The following TXNL4A variants were observed in gnomAD, a reference collection of about 807,000 sequenced individuals.
TXNL4A encodes the protein thioredoxin like 4A.
TXNL4A carries 17 observed loss-of-function variants against 14.6 expected under a neutral mutation model. That is an observed-to-expected ratio of 1.16 (90% CI 0.80 to 1.74). TXNL4A has a LOEUF of 1.74. Among genes scored for constraint, TXNL4A ranks in the 40% most tolerant of loss-of-function variants. The probability of loss-of-function intolerance (pLI) is 0.00; values close to 1 mark genes in which losing one functional copy is unlikely to be tolerated. For synonymous variants in TXNL4A, 83 were observed against 70.6 expected, an observed-to-expected ratio of 1.18 and a Z score of -0.88; for missense variants, 74 against 195.2, an observed-to-expected ratio of 0.38 and a Z score of 3.70.
intron 1 of TXNL4A, among the ~76,000 whole-genome samples, chr18:80,020,442 T>C (rs966941417): frequency 1.3e-5 from 2 of 152,202 alleles, no homozygotes; most frequent in Non-Finnish European, 2.9e-5. Context: ...TTATTCCTCA[T>C]GGCTAACTCA....
chr18:80,033,104 T>C (rs1238076891), intron 1 of TXNL4A, among the ~76,000 whole-genome samples: 1 of 152,184 alleles, frequency 6.6e-6, no homozygotes, highest in Non-Finnish European at 1.5e-5. Flanking sequence ...TCCTTAACTT[T>C]GGCAAATAAA....
upstream of TXNL4A, among the ~76,000 whole-genome samples, chr18:79,989,379 A>G (rs2051607909): frequency 6.6e-6 from 1 of 151,872 alleles, no homozygotes; most frequent in Admixed American, 6.6e-5. Context: ...CAAAGCGCTG[A>G]AATTACAGGA....
In TXNL4A at chr18:80,013,143, C is replaced by T. The variant is rs554368619; in HGVS notation, c.-61+20708G>A. On this transcript the variant is annotated intron_variant, in intron 1 of 2. Coordinates refer to the TXNL4A transcript ENST00000585474. ...AAAAATTTTTTTTTTTTTTTTGAGACGGAGTCTGGCTCTGTCCCCCAGGCT... is the reference window on the plus strand; with the variant it reads ...AAAAATTTTTTTTTTTTTTTTGAGATGGAGTCTGGCTCTGTCCCCCAGGCT... Among the ~76,000 whole-genome samples, 274 of 137,152 alleles carry T rather than the reference C, an allele frequency of 2.0e-3. 2 individuals carry two copies. Among genetic ancestry groups the T allele is most frequent in the African/African-American group, 5.8e-3 (211 of 36,470 alleles). 90.0% of individuals were successfully genotyped at this position (137,152 alleles called of 152,430 possible). A position where few individuals can be genotyped will look rare whatever the true frequency, so the allele number is the denominator to read the frequency against.
rs573032947 is a variant in TXNL4A, at chr18:80,011,650, G to T, written c.-61+22201C>A. ...GTCTTTATGCCCCGAGAGCACAACC[G>T]CTCGGCGGCATTCCACAGGTGGCTC... On this transcript the variant is annotated intron_variant, in intron 1 of 2. Coordinates refer to the TXNL4A transcript ENST00000585474. This position sits in a 1 kb window ranked among gnomAD's most constrained non-coding sequence, Gnocchi z 4.1. Among the ~76,000 whole-genome samples, 11 of 152,204 alleles carry T rather than the reference G, an allele frequency of 7.2e-5. 1 individual carries two copies. In the South Asian group the frequency reaches 2.3e-3, roughly 32 times the overall value.
chr18:79,979,884 C>T (rs2051437264), intron 1 of TXNL4A, among the ~76,000 whole-genome samples: 1 of 152,210 alleles, frequency 6.6e-6, no homozygotes, highest in Non-Finnish European at 1.5e-5. Flanking sequence ...AATACTAACT[C>T]AATGCCCTTT....
chr18:80,024,032 C>G (rs534485956), intron 1 of TXNL4A, among the ~76,000 whole-genome samples: 15 of 152,326 alleles, frequency 9.8e-5, no homozygotes, highest in Non-Finnish European at 1.9e-4. Context: ...GTAGCCTGGC[C>G]TGGGGCAGTT....
intron 1 of TXNL4A, among the ~76,000 whole-genome samples, chr18:80,023,086 T>C (rs549300477): frequency 6.6e-6 from 1 of 152,358 alleles, no homozygotes; most frequent in African/African-American, 2.4e-5. Flanking sequence ...TCCCACAGAA[T>C]GGGACTGATT....
In TXNL4A at chr18:79,988,224, G is replaced by C. The variant is rs1187375177; in HGVS notation, c.153+16C>G. On this transcript the variant is annotated intron_variant, in intron 1 of 2. Coordinates refer to ENST00000269601, the MANE Select transcript of TXNL4A (RefSeq NM_006701.5). ...CGGAAGCACAGCCCGCAGAGCGGGA[G>C]AGTCCGGCGCGCTACCTTCTCGGCG... 6.6e-7 allele frequency: 1 copy of C among 1,508,234 alleles called. No individual in the cohort carries two copies. Among genetic ancestry groups the C allele is most frequent in the Non-Finnish European group, 9.0e-7 (1 of 1,108,046 alleles). The allele number at this position is 1,508,234 out of a possible 1,614,324, so 93.4% of individuals were successfully genotyped here.
chr18:79,978,073 G>A (rs967871746), intron 1 of TXNL4A, among the ~76,000 whole-genome samples: 7 of 152,160 alleles, frequency 4.6e-5, no homozygotes, highest in Non-Finnish European at 8.8e-5. Context: ...GGCTCCTTCC[G>A]CCTCACGCCA....
chr18:80,033,701 C>T (rs1599761929), intron 1 of TXNL4A: 2 of 153,402 alleles, frequency 1.3e-5, no homozygotes, highest in East Asian at 3.8e-4. Context: ...TACGCAGCGC[C>T]AGGCAACCAG....
rs553096292 is a variant in TXNL4A, at chr18:80,033,217, GCA to G, written c.-61+632_-61+633del. ...CACACATATATACGCGCACGCACAT[GCA>G]CACATATACATGTCCACACACATGC... On this transcript the variant is annotated intron_variant, in intron 1 of 2. Coordinates refer to the TXNL4A transcript ENST00000585474. 4.5e-3 allele frequency among the ~76,000 whole-genome samples: 680 copies of G among 152,072 alleles called. 5 individuals carry two copies. Among genetic ancestry groups the G allele is most frequent in the African/African-American group, 0.016 (649 of 41,486 alleles).
At chr18:80,025,874 C>T (rs1000345378) in intron 1 of TXNL4A, among the ~76,000 whole-genome samples, 3 of 152,198 alleles carry the variant, frequency 2.0e-5, no homozygotes, top group Non-Finnish European at 2.9e-5. Flanking sequence ...CCCCCAAATC[C>T]AGAAGACAGG....
At position 80,013,111 on chromosome 18, in the gene TXNL4A, GAA is replaced by G. The variant is rs201882672; in HGVS notation, c.-61+20738_-61+20739del. On this transcript the variant is annotated intron_variant, in intron 1 of 2. Transcript: ENST00000585474. ...GAGAGAACAAAAAAAATTAAAAAAGGAAAAAAAAAAATTTTTTTTTTTTTTTT... is the reference window on the plus strand; with the variant it reads ...GAGAGAACAAAAAAAATTAAAAAAGGAAAAAAAAATTTTTTTTTTTTTTTT... Among the ~76,000 whole-genome samples, 1,154 of 140,834 alleles carry G rather than the reference GAA, an allele frequency of 8.2e-3. 3 individuals are homozygous for G. The highest frequency in any genetic ancestry group is 0.012 in the Non-Finnish European group (807 of 65,294). 92.4% of individuals were successfully genotyped at this position (140,834 alleles called of 152,430 possible).
intron 2 of TXNL4A, chr18:79,977,235 G>A (rs889662661): frequency 3.3e-6 from 1 of 302,370 alleles, no homozygotes; most frequent in Non-Finnish European, 6.2e-6. Context: ...GGGATTACAG[G>A]CGCTTTGAGC....
At chr18:80,019,134 C>T (rs1043566217) in intron 1 of TXNL4A, among the ~76,000 whole-genome samples, 3 of 152,168 alleles carry the variant, frequency 2.0e-5, no homozygotes, top group Non-Finnish European at 2.9e-5. Context: ...TCTGCATTTT[C>T]GGATATCTTC....
intron 1 of TXNL4A, among the ~76,000 whole-genome samples, chr18:80,012,883 G>A (rs1033522970): frequency 1.9e-4 from 29 of 151,526 alleles, no homozygotes; most frequent in Non-Finnish European, 2.9e-4. Flanking sequence ...CTTCCTCCTG[G>A]GAAACGGGGT....
rs190629781 is a variant in TXNL4A, at chr18:79,977,474, C to T, written c.257+124G>A. The T allele has an allele frequency of 5.4e-4, 407 of 760,040 alleles. 2 individuals carry two copies. The African/African-American group carries it at 5.7e-3, about 11-fold the overall frequency. 47.1% of individuals were successfully genotyped at this position (760,040 alleles called of 1,614,324 possible). On this transcript the variant is annotated intron_variant, in intron 2 of 2. Coordinates refer to ENST00000269601, the MANE Select transcript of TXNL4A (RefSeq NM_006701.5). ...CACACTGATTGCCTGGTGATACAAA[C>T]GATTTTGGGACATGACTGTACAACC...
intron 1 of TXNL4A, among the ~76,000 whole-genome samples, chr18:80,026,003 G>C (rs1274600108): frequency 1.3e-5 from 2 of 152,232 alleles, no homozygotes; most frequent in Non-Finnish European, 2.9e-5. Flanking sequence ...ATTAGTTTTA[G>C]ATTATTTCAC....
intron 1 of TXNL4A, among the ~76,000 whole-genome samples, chr18:79,998,292 CA>C (rs1281876024): frequency 0.021 from 2,558 of 122,732 alleles, 27 homozygotes; most frequent in Non-Finnish European, 0.029. Flanking sequence ...GACTCCGTCT[CA>C]AAAAAAAAAA....
Sources: gnomAD v4.1 joint callset for allele counts (sites outside exome capture counted in the v4.1 genomes callset) on GRCh38, gnomAD v4.1.1 for gene constraint, Gnocchi (gnomAD v3.1) non-coding constraint, MANE v1.5 for transcripts, NCBI Gene and HGNC (gene_info 2026-07-23, HGNC 2026-07-21) for gene names.